Variants in SMTN observed in about 807,000 individuals in gnomAD.
SMTN encodes the protein smoothelin.
A neutral mutation model predicts 102.0 loss-of-function variants in SMTN; 58 were observed. That is an observed-to-expected ratio of 0.57 (90% confidence interval 0.46 to 0.71). The LOEUF is 0.71. Among genes scored for constraint, SMTN ranks in the 30% least tolerant of loss-of-function variants. The pLI is 0.00. For synonymous variants in SMTN, 478 were observed against 497.9 expected (o/e 0.96, Z 0.53); for missense variants, 1,185 against 1,241.7 (o/e 0.95, Z 0.69).
In SMTN at chr22:31,074,712, G is replaced by A. The variant is rs1034529724; in HGVS notation, c.-385-5738G>A. Among the ~76,000 whole-genome samples the A allele has an allele frequency of 3.3e-5, 5 of 152,052 alleles. 1 individual carries two copies. Among genetic ancestry groups the A allele is most frequent in the Non-Finnish European group, 7.4e-5 (5 of 68,014 alleles). On this transcript the variant is annotated intron_variant, in intron 1 of 3. Coordinates refer to the SMTN transcript ENST00000422839. ...CTCGGGAGGCTGAGGCAAGAGAATCGCTTGAACCCAGGAAGCGGAGGTTGC... is the reference window on the plus strand; with the variant it reads ...CTCGGGAGGCTGAGGCAAGAGAATCACTTGAACCCAGGAAGCGGAGGTTGC...
intron 1 of SMTN, chr22:31,082,920 G>A: frequency 1.3e-6 from 2 of 1,545,096 alleles, no homozygotes; most frequent in Non-Finnish European, 1.8e-6. Context: ...GTTTAGACAG[G>A]ATGAGAGTCC....
At chr22:31,083,443 G>C in intron 2 of SMTN, 134 bp downstream of exon 2, 3 of 1,110,230 alleles carry the variant, frequency 2.7e-6, no homozygotes, top group Non-Finnish European at 3.7e-6. Flanking sequence ...GGGAACAGGG[G>C]TAGGCCAGTT....
At chr22:31,087,637 T>A (rs1414304496) in intron 2 of SMTN, among the ~76,000 whole-genome samples, 1 of 152,186 alleles carries the variant, frequency 6.6e-6, no homozygotes, top group African/African-American at 2.4e-5. Flanking sequence ...GCTCCCTGAC[T>A]TTTGGGGATC....
chr22:31,083,164 G>A lies in SMTN; in HGVS notation c.-80-15G>A. On this transcript the variant is annotated splice_polypyrimidine_tract_variant and intron_variant, in intron 1 of 20. Coordinates refer to ENST00000333137, the MANE Select transcript of SMTN (RefSeq NM_134269.3). ...GGAAGCCCCAGCATGCCTGATTCAT[G>A]TCTGTCCCCTGCAGAATTCTCTGAG... 1 of 1,560,522 alleles carries A rather than the reference G, an allele frequency of 6.4e-7. No individual in the cohort carries two copies.
Position 31,088,758 on chromosome 22 carries a change from A to T in SMTN, c.354A>T (p.Val118=), listed in dbSNP as rs2042897803. ...RKLIRAAIRR[V]RAQEIEAATL... ...TGATCCGAGCTGCCATCCGCCGTGTACGGGCTCAGGAGATTGAGGGTATGT... is the reference window on the plus strand; with the variant it reads ...TGATCCGAGCTGCCATCCGCCGTGTTCGGGCTCAGGAGATTGAGGGTATGT... The change falls in exon 5 of 21, where the codon GTA becomes GTT. Residue 118 remains valine (V), a synonymous_variant. Transcript: ENST00000333137. 2.5e-6 allele frequency: 4 copies of T among 1,612,980 alleles called. No homozygotes were observed. The highest frequency in any genetic ancestry group is 2.5e-6 in the Non-Finnish European group (3 of 1,179,532).
rs1002564920 is a variant in SMTN, at chr22:31,096,980, C to T, written c.2027-18C>T. ...CCCCCTGTGCCTTTCACATCCTTCTCATCCCCTGCCCCTGCAGATGATGGC... is the reference window on the plus strand; with the variant it reads ...CCCCCTGTGCCTTTCACATCCTTCTTATCCCCTGCCCCTGCAGATGATGGC... On this transcript the variant is annotated intron_variant, in intron 14 of 20. Transcript: ENST00000333137. 11 of 1,614,100 alleles carry T rather than the reference C, an allele frequency of 6.8e-6. 1 individual carries two copies. The highest frequency in any genetic ancestry group is 9.3e-6 in the Non-Finnish European group (11 of 1,179,944).
chr22:31,073,553 C>G (rs7286997), intron 1 of SMTN, among the ~76,000 whole-genome samples: 35,456 of 152,070 alleles, frequency 0.23, 5,424 homozygotes, highest in African/African-American at 0.44. Flanking sequence ...AGGCAGGATT[C>G]GGGGGCAAGG....
rs2043471130 is a variant in SMTN, at chr22:31,095,150, G to A, written c.1633-153G>A. ...CAGTGCCTCTTCCCTGACTGACGCTGACATGGCCATCTTTGGGCAGGCAGG... is the reference window on the plus strand; with the variant it reads ...CAGTGCCTCTTCCCTGACTGACGCTAACATGGCCATCTTTGGGCAGGCAGG... On this transcript the variant is annotated intron_variant, in intron 11 of 20. Coordinates refer to ENST00000333137, the MANE Select transcript of SMTN (RefSeq NM_134269.3). The surrounding 1 kb of genome is among the most constrained non-coding windows in gnomAD (Gnocchi z 4.1). 1.3e-5 allele frequency among the ~76,000 whole-genome samples: 2 copies of A among 152,224 alleles called. No individual in the cohort carries two copies. The highest frequency in any genetic ancestry group is 1.9e-4 in the East Asian group (1 of 5,198).
intron 1 of SMTN, among the ~76,000 whole-genome samples, chr22:31,075,213 AT>A (rs201597660): frequency 6.6e-6 from 1 of 151,830 alleles, no homozygotes; most frequent in Non-Finnish European, 1.5e-5. Context: ...TCTGGGCCTC[AT>A]TTTTTTTCTT....
chr22:31,096,958 C>T lies in SMTN; in HGVS notation c.2027-40C>T, dbSNP rs754907270. The T allele has an allele frequency of 1.5e-5, 25 of 1,613,710 alleles. No homozygotes were observed. The South Asian group carries it at 2.4e-4, about 16-fold the overall frequency. The stretch of plus-strand genomic sequence containing the variant: ...GTGGGAACACATCCTCCCCCAGCCC[C>T]CTGTGCCTTTCACATCCTTCTCATC... On this transcript the variant is annotated intron_variant, in intron 14 of 20. Transcript: ENST00000333137.
chr22:31,065,329 A>C (rs2041820075), intron 1 of SMTN: 1 of 151,988 alleles, frequency 6.6e-6, no homozygotes, highest in South Asian at 2.1e-4. Flanking sequence ...CAAAAATGTA[A>C]ATTTCTTGAC....
At chr22:31,075,667 C>G (rs1198937077) in intron 1 of SMTN, among the ~76,000 whole-genome samples, 163 of 141,404 alleles carry the variant, frequency 1.2e-3, no homozygotes, top group African/African-American at 4.1e-3. Context: ...GGTGACAGAG[C>G]GAGACTCTGT....
chr22:31,104,576 C>T lies in SMTN; in HGVS notation c.*281C>T. ...CTGCCCTGTCTGTTGCGACACCCTCCCCCCCACATACACACGCAGCGTTTT... is the reference window on the plus strand; with the variant it reads ...CTGCCCTGTCTGTTGCGACACCCTCTCCCCCACATACACACGCAGCGTTTT... On this transcript the variant is annotated 3_prime_UTR_variant, in exon 21 of 21. Transcript: ENST00000333137. The T allele has an allele frequency of 9.4e-7, 1 of 1,059,718 alleles. No homozygotes were observed. Among genetic ancestry groups the T allele is most frequent in the South Asian group, 1.4e-5 (1 of 73,496 alleles). 65.6% of individuals were successfully genotyped at this position (1,059,718 alleles called of 1,614,324 possible). A position where few individuals can be genotyped will look rare whatever the true frequency, so the allele number is the denominator to read the frequency against.
At chr22:31,082,995 TG>T in intron 1 of SMTN, 183 bp from the exon 2 acceptor site, 1 of 1,430,430 alleles carries the variant, frequency 7.0e-7, no homozygotes, top group Non-Finnish European at 9.6e-7. Flanking sequence ...CCCCCTACCC[TG>T]GGTTTGGTGA....
At position 31,081,349 on chromosome 22, in the gene SMTN, C is replaced by A. The variant is rs1410818143; in HGVS notation, c.-188C>A. The A allele has an allele frequency of 6.6e-6, 1 of 152,250 alleles. No homozygotes were observed. The highest frequency in any genetic ancestry group is 1.9e-4 in the East Asian group (1 of 5,192). 9.4% of individuals were successfully genotyped at this position (152,250 alleles called of 1,614,324 possible). On this transcript the variant is annotated 5_prime_UTR_variant, in exon 1 of 21. In the 5' UTR this introduces an upstream ATG that the reference lacks. Coordinates refer to ENST00000333137, the MANE Select transcript of SMTN (RefSeq NM_134269.3). ...TCCAGGGGACGGTTGCTGAGCGGGC[C>A]TGGGACAGCGGGTCGCGGCACCTCC...
rs542390636 is a variant in SMTN at position 31,089,941 on chromosome 22, C to A, written c.714C>A (p.Pro238=). ...AEVPGSPEPP[P]SPPKTTSPEP... ...TTCCAGGCAGCCCAGAGCCACCCCC[C>A]AGCCCACCCAAGACCACCAGCCCTG... The change falls in exon 7 of 21, where the codon CCC becomes CCA. Residue 238 remains proline, a synonymous_variant. Transcript: ENST00000333137. 12 of 1,601,384 alleles carry A rather than the reference C, an allele frequency of 7.5e-6. No individual in the cohort carries two copies. Among genetic ancestry groups the A allele is most frequent in the Admixed American group, 5.2e-5 (3 of 57,784 alleles).
chr22:31,091,515 T>C (rs745307107), intron 10 of SMTN, 33 bp downstream of exon 10: 3 of 1,515,574 alleles, frequency 2.0e-6, no homozygotes, highest in Non-Finnish European at 1.8e-6. Flanking sequence ...CCAATGGGGA[T>C]GAGTGCCTGC....
At chr22:31,074,880 G>T (rs1461950375) in intron 1 of SMTN, among the ~76,000 whole-genome samples, 1 of 152,190 alleles carries the variant, frequency 6.6e-6, no homozygotes, top group Admixed American at 6.5e-5. Context: ...GCTATTGTGA[G>T]AATTGACTGA....
At chr22:31,072,046 T>C (rs1317138420) in intron 1 of SMTN, among the ~76,000 whole-genome samples, 1 of 152,134 alleles carries the variant, frequency 6.6e-6, no homozygotes, top group Non-Finnish European at 1.5e-5. Flanking sequence ...CCACAAGAGA[T>C]AGAGGGAAGG....
Sources: allele counts gnomAD v4.1 joint callset (sites outside exome capture counted in the v4.1 genomes callset), GRCh38; gene constraint gnomAD v4.1.1; non-coding constraint Gnocchi (gnomAD v3.1); transcripts MANE v1.5; gene names NCBI Gene and HGNC (gene_info 2026-07-23, HGNC 2026-07-21).